API5: variants seen among roughly 807,000 people sequenced by gnomAD.
API5 encodes FIF.
API5 carries 6 observed loss-of-function variants against 71.9 expected under a neutral mutation model. The observed-to-expected ratio is 0.08, with a 90% CI of 0.05 to 0.16. API5 has a LOEUF of 0.16. API5 is among the 10% of genes least tolerant of loss of function. The pLI is 1.00. For synonymous variants in API5, 189 were observed against 221.3 expected (o/e 0.85, Z 1.30); for missense variants, 332 against 612.8 (o/e 0.54, Z 4.84).
intron 6 of API5, among the ~76,000 whole-genome samples, chr11:43,326,008 C>T (rs1438441225): frequency 6.6e-6 from 1 of 152,202 alleles, no homozygotes; most frequent in African/African-American, 2.4e-5. Flanking sequence ...TTCCTCTCAT[C>T]AAACAGGGAC....
intron 1 of API5, among the ~76,000 whole-genome samples, chr11:43,312,777 C>A (rs966199736): frequency 6.6e-6 from 1 of 152,036 alleles, no homozygotes; most frequent in African/African-American, 2.4e-5. Context: ...CCGCGCTCTC[C>A]CAGAATGTAC....
At chr11:43,325,797 G>A in intron 6 of API5, among the ~76,000 whole-genome samples, 1 of 152,140 alleles carries the variant, frequency 6.6e-6, no homozygotes. Context: ...CCCAGTCCAA[G>A]CAAAAAGAGA....
chr11:43,340,248 A>C (rs752397454), intron 13 of API5: 1 of 347,874 alleles, frequency 2.9e-6, no homozygotes, highest in South Asian at 2.2e-5. Context: ...CTATACAAGG[A>C]AAACTACAAA....
chr11:43,312,442 G>A (rs1014215519), intron 1 of API5, among the ~76,000 whole-genome samples: 1 of 151,898 alleles, frequency 6.6e-6, no homozygotes. Flanking sequence ...TCTCACCGTG[G>A]CGTAACCTAA....
intron 2 of API5, 65 bp from the exon 3 acceptor site, chr11:43,320,756 A>G: frequency 7.6e-7 from 1 of 1,324,324 alleles, no homozygotes; most frequent in South Asian, 1.3e-5. Context: ...GAAAGAAAAG[A>G]AAAAGCTGTT....
chr11:43,320,511 A>C (rs1157972845), intron 2 of API5, among the ~76,000 whole-genome samples: 3 of 152,080 alleles, frequency 2.0e-5, no homozygotes, highest in African/African-American at 7.2e-5. Context: ...TGGGAGGCTG[A>C]GGTGGGAAGA....
rs1855703722 is a variant in API5, at chr11:43,343,963, C to T, written c.*1453C>T. ...CAAAACTCCTTTATTAGAATTACTG[C>T]ACATGTGTATGGGGAAAATAGTTCT... is the stretch of plus-strand genomic sequence containing the variant. On this transcript the variant is annotated 3_prime_UTR_variant, in exon 14 of 14. Transcript: ENST00000531273. 6.6e-6 allele frequency: 1 copy of T among 152,590 alleles called. No homozygotes were observed. The highest frequency in any genetic ancestry group is 1.5e-5 in the Non-Finnish European group (1 of 68,024). 9.5% of individuals were successfully genotyped at this position (152,590 alleles called of 1,614,324 possible). A position where few individuals can be genotyped will look rare whatever the true frequency, so the allele number is the denominator to read the frequency against.
intron 1 of API5, among the ~76,000 whole-genome samples, chr11:43,313,177 A>G (rs893166693): frequency 2.0e-5 from 3 of 152,138 alleles, no homozygotes; most frequent in Non-Finnish European, 2.9e-5. Context: ...AAAATAAAAC[A>G]GGGCTGGGCG....
intron 5 of API5, among the ~76,000 whole-genome samples, chr11:43,322,397 C>T (rs1412005385): frequency 1.3e-5 from 2 of 152,118 alleles, no homozygotes; most frequent in Non-Finnish European, 2.9e-5. Flanking sequence ...ATTTGTGCAA[C>T]CTCTGCAAAT....
At chr11:43,320,964 G>T in intron 3 of API5, 50 bp downstream of exon 3, 1 of 1,473,912 alleles carries the variant, frequency 6.8e-7, no homozygotes. Flanking sequence ...TCTTCTTTCT[G>T]AAATGTTGAC....
At chr11:43,320,744 A>C (rs1433173857) in intron 2 of API5, 77 bp from the exon 3 acceptor site, 1 of 1,263,950 alleles carries the variant, frequency 7.9e-7, no homozygotes, top group Admixed American at 2.1e-5. Context: ...AAAAAAAAAA[A>C]AGAAAGAAAA....
intron 11 of API5, chr11:43,331,938 T>C (rs1372520174): frequency 6.6e-6 from 1 of 152,224 alleles, no homozygotes; most frequent in East Asian, 1.9e-4. Context: ...AGTAAATTCA[T>C]ATATAAAAAT....
chr11:43,344,427 T>C lies in API5; in HGVS notation c.*1917T>C, dbSNP rs1855717428. 1 of 152,640 alleles carries C rather than the reference T, an allele frequency of 6.6e-6. No individual in the cohort carries two copies. Among genetic ancestry groups the C allele is most frequent in the South Asian group, 2.1e-4 (1 of 4,834 alleles). The allele number at this position is 152,640 out of a possible 1,614,324, so 9.5% of individuals were successfully genotyped here. On this transcript the variant is annotated 3_prime_UTR_variant, in exon 14 of 14. Transcript: ENST00000531273. ...TTGCTTCCGAATTTGAATGAAAAAC[T>C]TAATGCCATGGATTTTTTTCTTTTG...
At chr11:43,327,367 A>T (rs1307028200) in intron 7 of API5, among the ~76,000 whole-genome samples, 3 of 152,276 alleles carry the variant, frequency 2.0e-5, no homozygotes, top group Non-Finnish European at 4.4e-5. Flanking sequence ...GGCCCACCTT[A>T]ACCATGAGTA....
intron 4 of API5, 116 bp downstream of exon 4, chr11:43,321,592 C>G: frequency 2.4e-6 from 2 of 845,656 alleles, no homozygotes; most frequent in Non-Finnish European, 3.5e-6. Flanking sequence ...CATAAAAATT[C>G]TAAGTATTGT....
In API5 at chr11:43,328,564, C is replaced by T. The variant is rs536938966; in HGVS notation, c.946-148C>T. ...GCGTTGACAGGCTAGAGCATTGATCCAGTAAGTAAAAAAGAAATCCAAATG... is the reference window on the plus strand; with the variant it reads ...GCGTTGACAGGCTAGAGCATTGATCTAGTAAGTAAAAAAGAAATCCAAATG... On this transcript the variant is annotated intron_variant, in intron 8 of 13. Transcript: ENST00000531273. 7.4e-6 allele frequency: 5 copies of T among 676,020 alleles called. No individual in the cohort carries two copies. In the East Asian group the frequency reaches 1.4e-4, roughly 18 times the overall value. 41.9% of individuals were successfully genotyped at this position (676,020 alleles called of 1,614,324 possible). A position where few individuals can be genotyped will look rare whatever the true frequency, so the allele number is the denominator to read the frequency against.
At chr11:43,312,679 T>C (rs1854521865) in intron 1 of API5, among the ~76,000 whole-genome samples, 1 of 152,100 alleles carries the variant, frequency 6.6e-6, no homozygotes, top group African/African-American at 2.4e-5. Context: ...GAGGGACTCT[T>C]TGGTCCAGAC....
chr11:43,340,643 G>T (rs1855579228), intron 13 of API5, among the ~76,000 whole-genome samples: 1 of 151,772 alleles, frequency 6.6e-6, no homozygotes, highest in Non-Finnish European at 1.5e-5. Flanking sequence ...ACAGCCAACT[G>T]ATTTTTTACA....
At position 43,329,048 on chromosome 11, in the gene API5, A is replaced by G. The variant is rs532864868; in HGVS notation, c.1127+155A>G. 31 of 734,284 alleles carry G rather than the reference A, an allele frequency of 4.2e-5. No homozygotes were observed. The Admixed American group carries it at 5.5e-4, about 13-fold the overall frequency. 45.5% of individuals were successfully genotyped at this position (734,284 alleles called of 1,614,324 possible). Reference sequence around the variant, plus strand: ...AGAAAATGGGCATGTTTGTAAACATATGACAGAAATGAGCCAGGCATGGTG... The same window carrying G: ...AGAAAATGGGCATGTTTGTAAACATGTGACAGAAATGAGCCAGGCATGGTG... On this transcript the variant is annotated intron_variant, in intron 9 of 13. Transcript: ENST00000531273.
Sources: gnomAD v4.1 joint callset for allele counts (sites outside exome capture counted in the v4.1 genomes callset) on GRCh38, gnomAD v4.1.1 for gene constraint, MANE v1.5 for transcripts, NCBI Gene and HGNC (gene_info 2026-07-23, HGNC 2026-07-21) for gene names.